SMYD3: variants seen among roughly 807,000 people sequenced by gnomAD.
SMYD3 encodes the protein SET and MYND domain containing 3, also known as histone-lysine N-methyltransferase SMYD3.
SMYD3 carries 36 observed loss-of-function variants against 57.7 expected under a neutral mutation model. That is an observed-to-expected ratio of 0.62 (90% CI 0.48 to 0.82). The LOEUF (loss-of-function observed/expected upper bound fraction) is 0.82. Among genes scored for constraint, SMYD3 ranks in the 40% least tolerant of loss-of-function variants. The probability of loss-of-function intolerance (pLI) is 0.00; values close to 1 mark genes in which losing one functional copy is unlikely to be tolerated. For missense variants in SMYD3, 515 were observed against 538.8 expected, an observed-to-expected ratio of 0.96 and a Z score of 0.44; for synonymous variants, 211 against 195.0, an observed-to-expected ratio of 1.08 and a Z score of -0.68.
rs1553336559 is a variant in SMYD3 at position 246,348,077 on chromosome 1, T to TAC, written c.228+6952_228+6953dup. Among the ~76,000 whole-genome samples the TAC allele has an allele frequency of 5.6e-3, 473 of 84,386 alleles. 48 individuals are homozygous for TAC. Among genetic ancestry groups the TAC allele is most frequent in the Middle Eastern group, 9.1e-3 (1 of 110 alleles). 55.4% of individuals were successfully genotyped at this position (84,386 alleles called of 152,430 possible). On this transcript the variant is annotated intron_variant, in intron 2 of 11. Transcript: ENST00000490107. ...AGAAAACGTTATATATATATATATA[T>TAC]ACACACACACCATCAAATACTATGA...
chr1:246,305,761 A>G (rs544114578), intron 5 of SMYD3, among the ~76,000 whole-genome samples: 1 of 152,356 alleles, frequency 6.6e-6, no homozygotes, highest in South Asian at 2.1e-4. Flanking sequence ...CCTTTCTTCA[A>G]AAAGTACACA....
At chr1:246,329,978 G>T (rs1200745406) in intron 4 of SMYD3, among the ~76,000 whole-genome samples, 1 of 152,170 alleles carries the variant, frequency 6.6e-6, no homozygotes, top group African/African-American at 2.4e-5. Context: ...AGCTTTTTAA[G>T]TCATCACAAG....
At chr1:246,506,993 C>CCCCCCCCCCCCCCCCCCCCA in intron 1 of SMYD3, 61 bp downstream of exon 1, 2 of 884,044 alleles carry the variant, frequency 2.3e-6, no homozygotes, top group Non-Finnish European at 1.5e-6. Flanking sequence ...CCCGACGCCC[C>CCCCCCCCCCCCCCCCCCCCA]CCCCTCCCCA....
At chr1:246,013,302 C>T (rs568272783) in intron 5 of SMYD3, among the ~76,000 whole-genome samples, 1 of 152,304 alleles carries the variant, frequency 6.6e-6, no homozygotes, top group South Asian at 2.1e-4. Flanking sequence ...GCCCCAGCCT[C>T]CCGAGTAGCT....
In SMYD3 at chr1:245,858,160, G is replaced by C. The variant is rs543199584; in HGVS notation, c.1076+336C>G. On this transcript the variant is annotated intron_variant, in intron 10 of 11. Transcript: ENST00000490107. ...CCTCTCAAGCTAGGTCTGAGCCTGC[G>C]TTCCTCTACAGCTCCCCCACCACCC... Among the ~76,000 whole-genome samples, 3 of 152,158 alleles carry C rather than the reference G, an allele frequency of 2.0e-5. No individual in the cohort carries two copies. In the South Asian group the frequency reaches 6.2e-4, roughly 32 times the overall value.
chr1:246,375,567 C>A (rs1243856225), intron 1 of SMYD3, among the ~76,000 whole-genome samples: 1 of 151,982 alleles, frequency 6.6e-6, no homozygotes, highest in Non-Finnish European at 1.5e-5. Flanking sequence ...AAGAACACAG[C>A]GAAGATGTTC....
At chr1:246,239,363 T>C (rs935646633) in intron 5 of SMYD3, among the ~76,000 whole-genome samples, 11 of 152,206 alleles carry the variant, frequency 7.2e-5, no homozygotes, top group Admixed American at 6.5e-4. Flanking sequence ...TTTTCTGTCC[T>C]TGCGGTAGTT....
chr1:246,025,831 G>GT (rs2059563775), intron 5 of SMYD3: 1 of 152,230 alleles, frequency 6.6e-6, no homozygotes, highest in African/African-American at 2.4e-5. Flanking sequence ...AGAGTCCCAA[G>GT]TGTTCTAAAG....
chr1:246,488,603 TTGAACCCAG>T (rs2068223466), intron 1 of SMYD3, among the ~76,000 whole-genome samples: 1 of 152,140 alleles, frequency 6.6e-6, no homozygotes, highest in African/African-American at 2.4e-5. Flanking sequence ...GGAGAATAGC[TTGAACCCAG>T]GAGGCAGAGG....
intron 8 of SMYD3, among the ~76,000 whole-genome samples, chr1:245,874,164 C>T (rs935514755): frequency 6.6e-6 from 1 of 152,176 alleles, no homozygotes; most frequent in Non-Finnish European, 1.5e-5. Context: ...AGCCATAGCA[C>T]AGAGAGTCTA....
In SMYD3 at chr1:246,202,370, T is replaced by C. The variant is rs951340638; in HGVS notation, c.531+124831A>G. 6.6e-6 allele frequency among the ~76,000 whole-genome samples: 1 copy of C among 152,208 alleles called. No individual in the cohort carries two copies. Among genetic ancestry groups the C allele is most frequent in the Non-Finnish European group, 1.5e-5 (1 of 68,042 alleles). The stretch of plus-strand genomic sequence containing the variant: ...TTTTTCATATCTGACCGCCCTATCA[T>C]TGGCCTATGAAGCTTTCCAATCTCT... On this transcript the variant is annotated intron_variant, in intron 5 of 11. Coordinates refer to ENST00000490107, the MANE Select transcript of SMYD3 (RefSeq NM_001167740.2). This position sits in a 1 kb window ranked among gnomAD's most constrained non-coding sequence, Gnocchi z 4.1.
chr1:246,212,327 GAA>G (rs1465215232), intron 5 of SMYD3, among the ~76,000 whole-genome samples: 1 of 151,912 alleles, frequency 6.6e-6, no homozygotes, highest in Non-Finnish European at 1.5e-5. Context: ...AATATTAGAA[GAA>G]TGATTAAATG....
intron 10 of SMYD3, among the ~76,000 whole-genome samples, chr1:245,831,419 G>T (rs919995768): frequency 8.5e-5 from 13 of 152,140 alleles, no homozygotes; most frequent in African/African-American, 2.9e-4. Context: ...TGAATATTTC[G>T]GGGTAAACCA....
intron 5 of SMYD3, among the ~76,000 whole-genome samples, chr1:246,217,104 T>C (rs1186949197): frequency 1.3e-5 from 2 of 152,114 alleles, no homozygotes; most frequent in East Asian, 1.9e-4. Context: ...TAAGCAGAAG[T>C]TGGCATCTAA....
intron 5 of SMYD3, among the ~76,000 whole-genome samples, chr1:246,043,240 C>T (rs571708607): frequency 1.3e-5 from 2 of 152,322 alleles, no homozygotes; most frequent in Admixed American, 6.5e-5. Flanking sequence ...CACACAAAAT[C>T]ACATAATCTA....
chr1:245,993,631 T>TAGATAGACAGACAGAC, intron 5 of SMYD3, among the ~76,000 whole-genome samples: 1 of 120,138 alleles, frequency 8.3e-6, no homozygotes, highest in African/African-American at 3.5e-5. Flanking sequence ...GATAGATAGA[T>TAGATAGACAGACAGAC]AGACAGACAG....
Position 246,219,789 on chromosome 1 carries a change from C to CA in SMYD3, c.531+107411dup, listed in dbSNP as rs564252891. Reference sequence around the variant, plus strand: ...CACAGAGTTGGCTCCTGCCAGCAACCAAAAAACACTCACCCAGGCTCCTGC... The same window carrying CA: ...CACAGAGTTGGCTCCTGCCAGCAACCAAAAAAACACTCACCCAGGCTCCTGC... On this transcript the variant is annotated intron_variant, in intron 5 of 11. Transcript: ENST00000490107. 7.9e-5 allele frequency among the ~76,000 whole-genome samples: 12 copies of CA among 152,260 alleles called. No homozygotes were observed. In the South Asian group the frequency reaches 2.3e-3, roughly 29 times the overall value.
chr1:246,466,054 G>T (rs1362505487), intron 1 of SMYD3, among the ~76,000 whole-genome samples: 1 of 152,218 alleles, frequency 6.6e-6, no homozygotes, highest in Non-Finnish European at 1.5e-5. Context: ...TTAGAGGCGT[G>T]AGCCACTGCT....
At chr1:245,936,766 GC>G (rs56070979) in intron 5 of SMYD3, among the ~76,000 whole-genome samples, 11,810 of 23,664 alleles carry the variant, frequency 0.5, 541 homozygotes, top group South Asian at 0.55. Flanking sequence ...ATGATGCCAT[GC>G]ACCTACCTGT....
Sources: allele counts gnomAD v4.1 joint callset (sites outside exome capture counted in the v4.1 genomes callset), GRCh38; gene constraint gnomAD v4.1.1; non-coding constraint Gnocchi (gnomAD v3.1); transcripts MANE v1.5; gene names NCBI Gene and HGNC (gene_info 2026-07-23, HGNC 2026-07-21).